The following RSL1D1 variants were observed in gnomAD, a reference collection of about 807,000 sequenced individuals.
The protein encoded by RSL1D1 is ribosomal L1 domain containing 1, also known as ribosomal L1 domain-containing protein 1.
Under a neutral mutation model 44.6 loss-of-function variants are expected in RSL1D1, and 34 were observed. That is an observed-to-expected ratio of 0.76 (90% CI 0.58 to 1.02). RSL1D1 has a LOEUF of 1.02. RSL1D1 is among the 50% of genes least tolerant of loss of function. RSL1D1 has a pLI of 0.00. For synonymous variants in RSL1D1, 271 were observed against 207.4 expected, an observed-to-expected ratio of 1.31 and a Z score of -2.63; for missense variants, 767 against 568.1, an observed-to-expected ratio of 1.35 and a Z score of -3.56.
rs896657583 is a variant in RSL1D1 at position 11,838,065 on chromosome 16, G to C, written c.1195C>G (p.Pro399Ala). 10 of 1,600,564 alleles carry C rather than the reference G, an allele frequency of 6.2e-6. No individual in the cohort carries two copies. In the Admixed American group the frequency reaches 1.3e-4, roughly 20 times the overall value. ...CTTTTCTTCCCACGAGGTGTGCTGGGATTAGGACTCTTTGCTGGAGACTTC... is the reference window on the plus strand; with the variant it reads ...CTTTTCTTCCCACGAGGTGTGCTGGCATTAGGACTCTTTGCTGGAGACTTC... ...GKKSPAKSPN[P>A]STPRGKKRKA... Residue 399 changes from proline to alanine, a missense_variant, in exon 9 of 9, where the codon CCC becomes GCC. Coordinates refer to ENST00000571133, the MANE Select transcript of RSL1D1 (RefSeq NM_015659.3).
At position 11,837,484 on chromosome 16, in the gene RSL1D1, G is replaced by A; in HGVS notation, c.*303C>T. On this transcript the variant is annotated 3_prime_UTR_variant, in exon 9 of 9. Transcript: ENST00000571133. Reference sequence around the variant, plus strand: ...TCCTGCCTCAGCCTCCCTAGTAGCTGGGATTACAGGTGTCCACCACCATGC... The same window carrying A: ...TCCTGCCTCAGCCTCCCTAGTAGCTAGGATTACAGGTGTCCACCACCATGC... 4.7e-6 allele frequency: 1 copy of A among 210,932 alleles called. No individual in the cohort carries two copies. The highest frequency in any genetic ancestry group is 9.4e-6 in the Non-Finnish European group (1 of 106,672). The allele number at this position is 210,932 out of a possible 1,614,324, so 13.1% of individuals were successfully genotyped here. A position where few individuals can be genotyped will look rare whatever the true frequency, so the allele number is the denominator to read the frequency against.
chr16:11,848,316 G>C (rs1296803309), intron 2 of RSL1D1, among the ~76,000 whole-genome samples: 2 of 152,032 alleles, frequency 1.3e-5, no homozygotes, highest in East Asian at 3.9e-4. Flanking sequence ...AAACACACAG[G>C]CCCAAATATC....
chr16:11,848,422 C>G (rs1207100819), intron 2 of RSL1D1, among the ~76,000 whole-genome samples: 1 of 152,178 alleles, frequency 6.6e-6, no homozygotes, highest in Non-Finnish European at 1.5e-5. Flanking sequence ...TGTATGTGCA[C>G]ACGTACTGTA....
intron 1 of RSL1D1, 39 bp downstream of exon 1, chr16:11,851,369 C>A: frequency 6.3e-7 from 1 of 1,591,292 alleles, no homozygotes; most frequent in Non-Finnish European, 8.6e-7. Flanking sequence ...AGGTAACCGC[C>A]ACACTGCTTC....
chr16:11,846,662 C>A (rs1490198330), intron 4 of RSL1D1, 33 bp downstream of exon 4: 8 of 1,612,340 alleles, frequency 5.0e-6, no homozygotes, highest in African/African-American at 2.7e-5. Flanking sequence ...AAGCTTCATG[C>A]TGCTAAAGTC....
At chr16:11,844,303 C>T (rs545284389) in intron 5 of RSL1D1, among the ~76,000 whole-genome samples, 20 of 152,272 alleles carry the variant, frequency 1.3e-4, no homozygotes, top group African/African-American at 4.8e-4. Flanking sequence ...CAATTGTCTG[C>T]AACTTTCTTT....
At chr16:11,840,989 T>G (rs1173350250) in intron 7 of RSL1D1, among the ~76,000 whole-genome samples, 2 of 152,216 alleles carry the variant, frequency 1.3e-5, no homozygotes, top group East Asian at 3.8e-4. Flanking sequence ...CTGTTTCAAA[T>G]GTATATATAG....
intron 2 of RSL1D1, chr16:11,849,298 A>C (rs2053819616): frequency 6.6e-6 from 1 of 151,794 alleles, no homozygotes; most frequent in South Asian, 2.1e-4. Context: ...TGGGAGGATC[A>C]CTTGAGTCAG....
chr16:11,849,498 AG>A (rs2053821897), intron 2 of RSL1D1: 2 of 152,158 alleles, frequency 1.3e-5, no homozygotes, highest in Non-Finnish European at 2.9e-5. Context: ...ATAAAATACA[AG>A]GGTTTAACTC....
chr16:11,843,440 A>T (rs2053776808), intron 5 of RSL1D1, among the ~76,000 whole-genome samples: 1 of 152,014 alleles, frequency 6.6e-6, no homozygotes, highest in African/African-American at 2.4e-5. Context: ...GGGCCAGAGG[A>T]GGTTCTACCT....
intron 2 of RSL1D1, among the ~76,000 whole-genome samples, chr16:11,848,771 G>A (rs180832328): frequency 6.6e-6 from 1 of 151,596 alleles, no homozygotes; most frequent in African/African-American, 2.4e-5. Flanking sequence ...TGAGATTACA[G>A]TGTGAGCCAC....
chr16:11,844,864 T>TAC (rs1416055570), intron 5 of RSL1D1, among the ~76,000 whole-genome samples: 1 of 152,218 alleles, frequency 6.6e-6, no homozygotes. Context: ...CCCAAGCTGA[T>TAC]ACACTGCCAA....
chr16:11,845,546 T>C (rs2053791500), intron 5 of RSL1D1, among the ~76,000 whole-genome samples: 1 of 152,202 alleles, frequency 6.6e-6, no homozygotes, highest in African/African-American at 2.4e-5. Flanking sequence ...CATCAGCCAC[T>C]AGCCACATGT....
At position 11,837,576 on chromosome 16, in the gene RSL1D1, C is replaced by G; in HGVS notation, c.*211G>C. ...ATGTTGGCCAGGATGGTCTCGATCT[C>G]GTTGACCTTGTGATCCGCCTGCCTC... is the stretch of plus-strand genomic sequence containing the variant. On this transcript the variant is annotated 3_prime_UTR_variant, in exon 9 of 9. Coordinates refer to ENST00000571133, the MANE Select transcript of RSL1D1 (RefSeq NM_015659.3). The G allele has an allele frequency of 2.0e-6, 1 of 505,798 alleles. No homozygotes were observed. Among genetic ancestry groups the G allele is most frequent in the East Asian group, 3.4e-5 (1 of 29,748 alleles). The allele number at this position is 505,798 out of a possible 1,614,324, so 31.3% of individuals were successfully genotyped here.
chr16:11,843,304 CA>C (rs1440383914), intron 5 of RSL1D1, among the ~76,000 whole-genome samples: 2 of 151,714 alleles, frequency 1.3e-5, no homozygotes, highest in East Asian at 3.9e-4. Context: ...CACCTGCCCT[CA>C]ACTGATCCAC....
intron 3 of RSL1D1, 181 bp downstream of exon 3, chr16:11,847,487 C>T (rs2053807206): frequency 7.2e-6 from 4 of 556,976 alleles, no homozygotes; most frequent in East Asian, 6.1e-5. Context: ...AGGAATGACA[C>T]GAGCCACCTC....
intron 3 of RSL1D1, 93 bp downstream of exon 3, chr16:11,847,570 GAAGAA>G: frequency 9.6e-7 from 1 of 1,042,862 alleles, no homozygotes; most frequent in Non-Finnish European, 1.4e-6. Context: ...GAGAAAAGTA[GAAGAA>G]AAATACTAGG....
At position 11,839,821 on chromosome 16, in the gene RSL1D1, G is replaced by C. The variant is rs2075160; in HGVS notation, c.1020C>G (p.Thr340=). The change falls in exon 8 of 9, where the codon ACC becomes ACG. Residue 340 remains threonine, a synonymous_variant. Coordinates refer to ENST00000571133, the MANE Select transcript of RSL1D1 (RefSeq NM_015659.3). ...VKKPESKKEQ[T]PEHGKKKRGR... is the part of the protein sequence containing the mutation. ...CACGTTTTTTCTTCCCATGCTCTGGGGTCTGTTCCTTCTTTGATTCAGGTT... is the reference window on the plus strand; with the variant it reads ...CACGTTTTTTCTTCCCATGCTCTGGCGTCTGTTCCTTCTTTGATTCAGGTT... The C allele has an allele frequency of 0.04, 64,770 of 1,613,904 alleles. 4,775 individuals carry two copies. The highest frequency in any genetic ancestry group is 0.26 in the Admixed American group (15,795 of 59,960).
rs2053752476 is a variant in RSL1D1 at position 11,839,898 on chromosome 16, C to T, written c.943G>A (p.Val315Ile). 6.2e-7 allele frequency: 1 copy of T among 1,614,146 alleles called. No individual in the cohort carries two copies. The highest frequency in any genetic ancestry group is 8.5e-7 in the Non-Finnish European group (1 of 1,180,030). The change falls in exon 8 of 9, where the codon GTT becomes ATT. Residue 315 changes from valine (V) to isoleucine (I), a missense_variant. Transcript: ENST00000571133. ...KRQQARKTAS[V>I]LSKDDVAPES... is the part of the protein sequence containing the mutation. Reference sequence around the variant, plus strand: ...GGTGCCACATCATCTTTACTAAGAACTGATGCAGTCTTCCTAGCCTGCTGC... The same window carrying T: ...GGTGCCACATCATCTTTACTAAGAATTGATGCAGTCTTCCTAGCCTGCTGC...
Sources: allele counts gnomAD v4.1 joint callset (sites outside exome capture counted in the v4.1 genomes callset), GRCh38; gene constraint gnomAD v4.1.1; transcripts MANE v1.5; gene names NCBI Gene and HGNC (gene_info 2026-07-23, HGNC 2026-07-21).